FANCB: variants seen among roughly 807,000 people sequenced by gnomAD.
FANCB encodes Fanconi anemia group B protein.
FANCB carries 5 observed loss-of-function variants against 38.9 expected under a neutral mutation model. That is an observed-to-expected ratio of 0.13 (90% CI 0.07 to 0.27). The LOEUF (loss-of-function observed/expected upper bound fraction) is 0.27, where lower values mean the gene tolerates loss of function less well. FANCB is among the 10% of genes least tolerant of loss of function. The pLI, the probability that FANCB is intolerant of heterozygous loss-of-function variation, is 1.00. For synonymous variants in FANCB, 236 were observed against 215.4 expected (o/e 1.10, Z -0.84); for missense variants, 573 against 602.7 (o/e 0.95, Z 0.52).
the FANCB span, among the ~76,000 whole-genome samples, chrX:14,742,602 A>G: frequency 6.2e-5 from 7 of 112,127 alleles, no homozygotes; most frequent in South Asian, 3.7e-4. Flanking sequence ...ACCCACCGTT[A>G]ATTAATAATG....
At chrX:14,808,897 G>A in the FANCB span, among the ~76,000 whole-genome samples, 2 of 112,341 alleles carry the variant, frequency 1.8e-5, no homozygotes, top group Non-Finnish European at 3.8e-5. Flanking sequence ...AAAATCGGTA[G>A]CATTTCTATA....
chrX:14,793,628 A>G, the FANCB span, among the ~76,000 whole-genome samples: 1 of 112,229 alleles, frequency 8.9e-6, no homozygotes, highest in Admixed American at 9.5e-5. Flanking sequence ...TTAATCTCTA[A>G]CTCTGTAATG....
At chrX:14,737,144 A>C in the FANCB span, among the ~76,000 whole-genome samples, 1 of 111,450 alleles carries the variant, frequency 9.0e-6, no homozygotes, top group African/African-American at 3.3e-5. Flanking sequence ...CAACAGAGCA[A>C]AACTCCAACA....
At chrX:14,768,220 A>T in the FANCB span, among the ~76,000 whole-genome samples, 1 of 111,384 alleles carries the variant, frequency 9.0e-6, no homozygotes, top group African/African-American at 3.3e-5. Context: ...GTTTAATGGG[A>T]ATTGCATTGA....
chrX:14,729,922 T>C, the FANCB span, among the ~76,000 whole-genome samples: 1 of 112,028 alleles, frequency 8.9e-6, no homozygotes, highest in Non-Finnish European at 1.9e-5. Context: ...AAACTAGATT[T>C]TGGGAAAGTC....
the FANCB span, chrX:14,730,521 G>A: frequency 8.5e-6 from 8 of 941,312 alleles, no homozygotes; most frequent in Non-Finnish European, 1.1e-5. Flanking sequence ...TCTTGCCTCA[G>A]TGTTGTGCTT....
At chrX:14,725,259 T>C in the FANCB span, among the ~76,000 whole-genome samples, 7 of 111,925 alleles carry the variant, frequency 6.3e-5, no homozygotes, top group Non-Finnish European at 1.1e-4. Context: ...AAGGAGGAAA[T>C]TGAAGCCTTA....
At chrX:14,711,997 C>A in the FANCB span, among the ~76,000 whole-genome samples, 1 of 112,653 alleles carries the variant, frequency 8.9e-6, no homozygotes, top group Admixed American at 9.4e-5. Context: ...TAAAAGATAC[C>A]AACTAATGGC....
At chrX:14,805,320 G>T in the FANCB span, among the ~76,000 whole-genome samples, 3 of 111,580 alleles carry the variant, frequency 2.7e-5, no homozygotes, top group South Asian at 1.1e-3. Flanking sequence ...AACCAAGTGT[G>T]TTAAAGCTGT....
intron 7 of FANCB, among the ~76,000 whole-genome samples, chrX:14,848,461 T>G (rs1040311826): frequency 2.7e-5 from 3 of 111,873 alleles, no homozygotes; most frequent in African/African-American, 9.8e-5. Flanking sequence ...CACCCTCATC[T>G]TGCCACGGCT....
At chrX:14,867,033 G>A (rs1464067173) in intron 2 of FANCB, among the ~76,000 whole-genome samples, 1 of 110,913 alleles carries the variant, frequency 9.0e-6, no homozygotes, top group Non-Finnish European at 1.9e-5. Context: ...AACCAAAAAG[G>A]TCAATGATCT....
chrX:14,768,637 T>A, the FANCB span, among the ~76,000 whole-genome samples: 1 of 111,754 alleles, frequency 8.9e-6, no homozygotes, highest in Non-Finnish European at 1.9e-5. Flanking sequence ...CTCTTCCTAT[T>A]TTAATATGCT....
At chrX:14,797,691 A>AAG in the FANCB span, among the ~76,000 whole-genome samples, 5,502 of 103,227 alleles carry the variant, frequency 0.053, 236 homozygotes, top group African/African-American at 0.11. Context: ...AAAAAAAAAA[A>AAG]AGAGAGAGAG....
downstream of FANCB, among the ~76,000 whole-genome samples, chrX:14,842,733 G>A (rs1354967824): frequency 4.5e-5 from 5 of 111,416 alleles, no homozygotes; most frequent in African/African-American, 1.6e-4. Context: ...TTTTAATTTT[G>A]CCTAGAGTTG....
At chrX:14,813,542 A>G in the FANCB span, among the ~76,000 whole-genome samples, 22 of 111,207 alleles carry the variant, frequency 2.0e-4, no homozygotes, top group African/African-American at 7.2e-4. Flanking sequence ...GACAAACAGA[A>G]AGCCAAATCA....
At chrX:14,866,138 G>A (rs2092468939) in intron 2 of FANCB, among the ~76,000 whole-genome samples, 1 of 110,538 alleles carries the variant, frequency 9.0e-6, no homozygotes, top group Admixed American at 9.5e-5. Flanking sequence ...AATAAAAATA[G>A]GAGATGCTGT....
chrX:14,732,131 G>A, the FANCB span, among the ~76,000 whole-genome samples: 12 of 110,517 alleles, frequency 1.1e-4, no homozygotes, highest in Non-Finnish European at 1.1e-4. Flanking sequence ...GAGAACATGC[G>A]GTGTTTGTTT....
the FANCB span, among the ~76,000 whole-genome samples, chrX:14,829,375 ATTGTCT>A: frequency 2.7e-5 from 3 of 111,403 alleles, no homozygotes; most frequent in Non-Finnish European, 5.7e-5. Context: ...GTAAATAAGC[ATTGTCT>A]TTAAGTCATC....
chrX:14,805,793 C>T, the FANCB span, among the ~76,000 whole-genome samples: 3 of 112,133 alleles, frequency 2.7e-5, no homozygotes, highest in East Asian at 8.4e-4. Flanking sequence ...CCACAAGATA[C>T]TTACCAAGAT....
Sources: allele counts gnomAD v4.1 joint callset (sites outside exome capture counted in the v4.1 genomes callset), GRCh38; gene constraint gnomAD v4.1.1; transcripts MANE v1.5; gene names NCBI Gene and HGNC (gene_info 2026-07-23, HGNC 2026-07-21).